The following OR5AP2 variants were observed in gnomAD, a reference collection of about 807,000 sequenced individuals.
The protein encoded by OR5AP2 is olfactory receptor 5AP2.
For missense variants in OR5AP2, 409 were observed against 378.9 expected (o/e 1.08, Z -0.66); for synonymous variants, 142 against 140.8 (o/e 1.01, Z -0.06).
Position 56,642,279 on chromosome 11 carries a change from A to G in OR5AP2, c.161T>C (p.Leu54Ser). 1 of 1,614,170 alleles carries G rather than the reference A, an allele frequency of 6.2e-7. No individual in the cohort carries two copies. Among genetic ancestry groups the G allele is most frequent in the Non-Finnish European group, 8.5e-7 (1 of 1,180,040 alleles). Residue 54 changes from leucine (L) to serine (S), a missense_variant, in exon 1 of 1, where the codon TTG becomes TCG. Leu to Ser is a moderately radical substitution (Grantham distance 145). Coordinates refer to ENST00000544374, the MANE Select transcript of OR5AP2 (RefSeq NM_001002925.1). Reference sequence around the variant, plus strand: ...GTGGAGACAGAGATCAATCTTAATCAATACAATCATCCCCAAATTGCCCAC... The same window carrying G: ...GTGGAGACAGAGATCAATCTTAATCGATACAATCATCCCCAAATTGCCCAC... Reference protein sequence around the residue: ...NMVGNLGMIVLIKIDLCLHTP... With the variant: ...NMVGNLGMIVSIKIDLCLHTP...
chr11:56,641,584 C>T lies in OR5AP2; in HGVS notation c.856G>A (p.Val286Ile). Reference protein sequence around the residue: ...QDKVVSVFYTVIIPVLNPLIY... With the variant: ...QDKVVSVFYTIIIPVLNPLIY... ...AGGGGATTTAGCACAGGGATTATTACTGTATAAAAGACAGAGACAACCTTG... is the reference window on the plus strand; with the variant it reads ...AGGGGATTTAGCACAGGGATTATTATTGTATAAAAGACAGAGACAACCTTG... Residue 286 changes from valine to isoleucine, a missense_variant, in exon 1 of 1, where the codon GTA becomes ATA. Coordinates refer to ENST00000544374, the MANE Select transcript of OR5AP2 (RefSeq NM_001002925.1). The T allele has an allele frequency of 6.2e-7, 1 of 1,613,296 alleles. No homozygotes were observed. The highest frequency in any genetic ancestry group is 8.5e-7 in the Non-Finnish European group (1 of 1,179,448).
Position 56,641,656 on chromosome 11 carries a change from G to C in OR5AP2, c.784C>G (p.Leu262Val). The C allele has an allele frequency of 6.2e-7, 1 of 1,614,126 alleles. No homozygotes were observed. The highest frequency in any genetic ancestry group is 8.5e-7 in the Non-Finnish European group (1 of 1,180,034). Reference protein sequence around the residue: ...MAVTIFFGTILFMYLRPTSSY... With the variant: ...MAVTIFFGTIVFMYLRPTSSY... ...GATGTAGGGCGCAAGTACATGAAGA[G>C]GATTGTTCCAAAGAATATGGTGACA... Residue 262 changes from leucine (L) to valine (V), a missense_variant, in exon 1 of 1, where the codon CTC becomes GTC. Leu to Val is a conservative substitution (Grantham distance 32, BLOSUM62 1). Transcript: ENST00000544374.
In OR5AP2 at chr11:56,642,012, G is replaced by T; in HGVS notation, c.428C>A (p.Ser143Tyr). 1 of 1,614,154 alleles carries T rather than the reference G, an allele frequency of 6.2e-7. No individual in the cohort carries two copies. Among genetic ancestry groups the T allele is most frequent in the South Asian group, 1.1e-5 (1 of 91,086 alleles). The change falls in exon 1 of 1, where the codon TCT becomes TAT. Residue 143 changes from serine to tyrosine, a missense_variant. Physicochemically the swap from Ser to Tyr is moderately radical, Grantham distance 144 (BLOSUM62 -2). Transcript: ENST00000544374. ...WNPLLYPVLV[S>Y]GRICFLLIAT... ...TATTAGCAAAAAGCAAATTCTCCCA[G>T]ACACGAGAACTGGGTAGAGCAGGGG...
At position 56,641,576 on chromosome 11, in the gene OR5AP2, G is replaced by T. The variant is rs573585444; in HGVS notation, c.864C>A (p.Ile288=). The change falls in exon 1 of 1, where the codon ATC becomes ATA. Residue 288 remains isoleucine (I), a synonymous_variant. Transcript: ENST00000544374. ...TATAGATGAGGGGATTTAGCACAGGGATTATTACTGTATAAAAGACAGAGA... is the reference window on the plus strand; with the variant it reads ...TATAGATGAGGGGATTTAGCACAGGTATTATTACTGTATAAAAGACAGAGA... The part of the protein sequence containing the change: ...KVVSVFYTVI[I]PVLNPLIYSL... 6 of 1,613,082 alleles carry T rather than the reference G, an allele frequency of 3.7e-6. No homozygotes were observed. The Admixed American group carries it at 8.3e-5, about 22-fold the overall frequency.
Position 56,642,416 on chromosome 11 carries a change from T to C in OR5AP2, c.24A>G (p.Arg8=). MRLMKEV[R]GRNQTEVTEF... Reference sequence around the variant, plus strand: ...CTGTTACTTCTGTTTGATTTCTGCCTCGAACCTCTTTCATAAGTCTCATCA... The same window carrying C: ...CTGTTACTTCTGTTTGATTTCTGCCCCGAACCTCTTTCATAAGTCTCATCA... Residue 8 remains arginine, a synonymous_variant, in exon 1 of 1, where the codon CGA becomes CGG. Coordinates refer to ENST00000544374, the MANE Select transcript of OR5AP2 (RefSeq NM_001002925.1). The C allele has an allele frequency of 1.3e-6, 2 of 1,599,824 alleles. No individual in the cohort carries two copies. The highest frequency in any genetic ancestry group is 1.7e-6 in the Non-Finnish European group (2 of 1,177,732).
At position 56,642,299 on chromosome 11, in the gene OR5AP2, G is replaced by T. The variant is rs145128374; in HGVS notation, c.141C>A (p.Gly47=). The T allele has an allele frequency of 3.8e-5, 61 of 1,613,962 alleles. No individual in the cohort carries two copies. The African/African-American group carries it at 5.9e-4, about 16-fold the overall frequency. ...FLLIYMANMV[G]NLGMIVLIKI... ...TAATCAATACAATCATCCCCAAATT[G>T]CCCACCATGTTTGCCATATAGATCA... Residue 47 remains glycine (G), a synonymous_variant, in exon 1 of 1, where the codon GGC becomes GGA. Coordinates refer to ENST00000544374, the MANE Select transcript of OR5AP2 (RefSeq NM_001002925.1).
rs61742762 is a variant in OR5AP2 at position 56,641,563 on chromosome 11, G to T, written c.877C>A (p.Pro293Thr). ...FYTVIIPVLN[P>T]LIYSLKNKDV... ...TTATTTTTTAAACTATAGATGAGGGGATTTAGCACAGGGATTATTACTGTA... is the reference window on the plus strand; with the variant it reads ...TTATTTTTTAAACTATAGATGAGGGTATTTAGCACAGGGATTATTACTGTA... The change falls in exon 1 of 1, where the codon CCC becomes ACC. Residue 293 changes from proline (P) to threonine (T), a missense_variant. Pro to Thr is a conservative substitution (Grantham distance 38, BLOSUM62 -1). Coordinates refer to ENST00000544374, the MANE Select transcript of OR5AP2 (RefSeq NM_001002925.1). 9 of 1,613,234 alleles carry T rather than the reference G, an allele frequency of 5.6e-6. No homozygotes were observed. The African/African-American group carries it at 1.1e-4, about 19-fold the overall frequency.
rs1269894450 is a variant in OR5AP2, at chr11:56,641,996, A to C, written c.444T>G (p.Phe148Leu). The change falls in exon 1 of 1, where the codon TTT (phenylalanine) becomes TTG (leucine). Residue 148 changes from phenylalanine to leucine, a missense_variant. Coordinates refer to ENST00000544374, the MANE Select transcript of OR5AP2 (RefSeq NM_001002925.1). ...CTAAGAAGGAGGTAGCTATTAGCAAAAAGCAAATTCTCCCAGACACGAGAA... is the reference window on the plus strand; with the variant it reads ...CTAAGAAGGAGGTAGCTATTAGCAACAAGCAAATTCTCCCAGACACGAGAA... ...YPVLVSGRIC[F>L]LLIATSFLAG... 5.0e-6 allele frequency: 8 copies of C among 1,614,042 alleles called. No individual in the cohort carries two copies. Among genetic ancestry groups the C allele is most frequent in the Non-Finnish European group, 6.8e-6 (8 of 1,180,040 alleles).
rs758071875 is a variant in OR5AP2 at position 56,641,639 on chromosome 11, G to A, written c.801C>T (p.Arg267=). 9.9e-6 allele frequency: 16 copies of A among 1,613,950 alleles called. No homozygotes were observed. The highest frequency in any genetic ancestry group is 1.3e-5 in the Non-Finnish European group (15 of 1,180,016). Residue 267 remains arginine, a synonymous_variant, in exon 1 of 1, where the codon CGC becomes CGT. Coordinates refer to ENST00000544374, the MANE Select transcript of OR5AP2 (RefSeq NM_001002925.1). The stretch of plus-strand genomic sequence containing the variant: ...GCTCCATTGAGTAGCTAGATGTAGG[G>A]CGCAAGTACATGAAGAGGATTGTTC... ...FFGTILFMYL[R]PTSSYSMEQD...
rs145666694 is a variant in OR5AP2 at position 56,641,989 on chromosome 11, T to C, written c.451A>G (p.Ile151Val). The change falls in exon 1 of 1, where the codon ATA (isoleucine) becomes GTA (valine). Residue 151 changes from isoleucine (I) to valine (V), a missense_variant. Transcript: ENST00000544374. ...LVSGRICFLLIATSFLAGCGN... is the reference protein window; with the variant it reads ...LVSGRICFLLVATSFLAGCGN... ...CAACCTGCTAAGAAGGAGGTAGCTA[T>C]TAGCAAAAAGCAAATTCTCCCAGAC... is the stretch of plus-strand genomic sequence containing the variant. 1.4e-5 allele frequency: 22 copies of C among 1,614,128 alleles called. No individual in the cohort carries two copies. Among genetic ancestry groups the C allele is most frequent in the Middle Eastern group, 1.6e-4 (1 of 6,062 alleles).
At position 56,642,206 on chromosome 11, in the gene OR5AP2, A is replaced by G. The variant is rs745594803; in HGVS notation, c.234T>C (p.Ser78=). ...TCTTGGGAGTGACGGAAGAAGAGTA[A>G]GAGGCATCTACAAAAGAGAGGCTAC... ...FLSSLSFVDA[S]YSSSVTPKML... is the part of the protein sequence containing the mutation. The change falls in exon 1 of 1, where the codon TCT becomes TCC. Residue 78 remains serine, a synonymous_variant. Coordinates refer to ENST00000544374, the MANE Select transcript of OR5AP2 (RefSeq NM_001002925.1). 6 of 1,614,092 alleles carry G rather than the reference A, an allele frequency of 3.7e-6. No homozygotes were observed. In the African/African-American group the frequency reaches 8.0e-5, roughly 22 times the overall value.
chr11:56,642,016 C>G lies in OR5AP2; in HGVS notation c.424G>C (p.Val142Leu), dbSNP rs756963104. 1.9e-6 allele frequency: 3 copies of G among 1,614,004 alleles called. No homozygotes were observed. The highest frequency in any genetic ancestry group is 1.1e-5 in the South Asian group (1 of 91,076). Residue 142 changes from valine to leucine, a missense_variant, in exon 1 of 1, where the codon GTG (valine) becomes CTG (leucine). Coordinates refer to ENST00000544374, the MANE Select transcript of OR5AP2 (RefSeq NM_001002925.1). ...AGCAAAAAGCAAATTCTCCCAGACACGAGAACTGGGTAGAGCAGGGGGTTC... is the reference window on the plus strand; with the variant it reads ...AGCAAAAAGCAAATTCTCCCAGACAGGAGAACTGGGTAGAGCAGGGGGTTC... ...IWNPLLYPVL[V>L]SGRICFLLIA... is the part of the protein sequence containing the mutation.
Position 56,641,511 on chromosome 11 carries a change from ATCT to A in OR5AP2, c.926_928del (p.Lys309del). 2 of 1,596,296 alleles carry A rather than the reference ATCT, an allele frequency of 1.3e-6. No individual in the cohort carries two copies. The highest frequency in any genetic ancestry group is 1.7e-6 in the Non-Finnish European group (2 of 1,165,980). The stretch of plus-strand genomic sequence containing the variant: ...GCTCTACAAGATGTGTTTCCATAAG[ATCT>A]TCTTTAGGGCCTTTTTTACATCCTT... On this transcript the variant is annotated inframe_deletion, in exon 1 of 1. Coordinates refer to ENST00000544374, the MANE Select transcript of OR5AP2 (RefSeq NM_001002925.1).
In OR5AP2 at chr11:56,642,259, G is replaced by A; in HGVS notation, c.181C>T (p.Leu61Phe). Residue 61 changes from leucine (L) to phenylalanine (F), a missense_variant, in exon 1 of 1, where the codon CTC becomes TTC. Physicochemically the swap from Leu to Phe is conservative, Grantham distance 22. Coordinates refer to ENST00000544374, the MANE Select transcript of OR5AP2 (RefSeq NM_001002925.1). The part of the protein sequence containing the change: ...MIVLIKIDLC[L>F]HTPMYFFLSS... The stretch of plus-strand genomic sequence containing the variant: ...AGAAAGAAATACATGGGGGTGTGGA[G>A]ACAGAGATCAATCTTAATCAATACA... The A allele has an allele frequency of 6.2e-7, 1 of 1,614,156 alleles. No individual in the cohort carries two copies. Among genetic ancestry groups the A allele is most frequent in the Non-Finnish European group, 8.5e-7 (1 of 1,180,036 alleles).
Position 56,642,203 on chromosome 11 carries a change from G to A in OR5AP2, c.237C>T (p.Tyr79=), listed in dbSNP as rs1220510865. The stretch of plus-strand genomic sequence containing the variant: ...GCATCTTGGGAGTGACGGAAGAAGA[G>A]TAAGAGGCATCTACAAAAGAGAGGC... The part of the protein sequence containing the change: ...LSSLSFVDAS[Y]SSSVTPKMLV... Residue 79 remains tyrosine (Y), a synonymous_variant, in exon 1 of 1, where the codon TAC becomes TAT. Coordinates refer to ENST00000544374, the MANE Select transcript of OR5AP2 (RefSeq NM_001002925.1). 3 of 1,614,036 alleles carry A rather than the reference G, an allele frequency of 1.9e-6. No homozygotes were observed. Among genetic ancestry groups the A allele is most frequent in the East Asian group, 2.2e-5 (1 of 44,892 alleles).
chr11:56,641,744 C>T lies in OR5AP2; in HGVS notation c.696G>A (p.Leu232=). The T allele has an allele frequency of 6.2e-7, 1 of 1,614,048 alleles. No individual in the cohort carries two copies. Among genetic ancestry groups the T allele is most frequent in the Non-Finnish European group, 8.5e-7 (1 of 1,179,994 alleles). ...GCCTGCCCTCTAACGAAGGCATCTT[C>T]AAGACGGCAATGAAGATACACAGGT... ...ISYLCIFIAV[L]KMPSLEGRHK... is the part of the protein sequence containing the mutation. Residue 232 remains leucine (L), a synonymous_variant, in exon 1 of 1, where the codon TTG becomes TTA. Coordinates refer to ENST00000544374, the MANE Select transcript of OR5AP2 (RefSeq NM_001002925.1).
rs1857010172 is a variant in OR5AP2, at chr11:56,642,025, G to C, written c.415C>G (p.Pro139Ala). 6.2e-7 allele frequency: 1 copy of C among 1,614,144 alleles called. No homozygotes were observed. The highest frequency in any genetic ancestry group is 1.3e-5 in the African/African-American group (1 of 75,040). ...CAAATTCTCCCAGACACGAGAACTG[G>C]GTAGAGCAGGGGGTTCCAAATGGCT... is the stretch of plus-strand genomic sequence containing the variant. ...YAAIWNPLLY[P>A]VLVSGRICFL... The change falls in exon 1 of 1, where the codon CCA becomes GCA. Residue 139 changes from proline (P) to alanine (A), a missense_variant. Physicochemically the swap from Pro to Ala is conservative, Grantham distance 27. Transcript: ENST00000544374.
chr11:56,641,763 C>T lies in OR5AP2; in HGVS notation c.677G>A (p.Cys226Tyr), dbSNP rs1857007208. 2 of 1,614,076 alleles carry T rather than the reference C, an allele frequency of 1.2e-6. No homozygotes were observed. The highest frequency in any genetic ancestry group is 1.7e-6 in the Non-Finnish European group (2 of 1,180,010). The change falls in exon 1 of 1, where the codon TGT becomes TAT. Residue 226 changes from cysteine (C) to tyrosine (Y), a missense_variant. Physicochemically the swap from Cys to Tyr is radical, Grantham distance 194. Transcript: ENST00000544374. ...CVMIVLISYLCIFIAVLKMPS... is the reference protein window; with the variant it reads ...CVMIVLISYLYIFIAVLKMPS... ...CATCTTCAAGACGGCAATGAAGATA[C>T]ACAGGTAGGAAATGAGGACAATCAT...
In OR5AP2 at chr11:56,641,749, C is replaced by A; in HGVS notation, c.691G>T (p.Val231Phe). Reference sequence around the variant, plus strand: ...CCCTCTAACGAAGGCATCTTCAAGACGGCAATGAAGATACACAGGTAGGAA... The same window carrying A: ...CCCTCTAACGAAGGCATCTTCAAGAAGGCAATGAAGATACACAGGTAGGAA... ...LISYLCIFIA[V>F]LKMPSLEGRH... is the part of the protein sequence containing the mutation. The change falls in exon 1 of 1, where the codon GTC becomes TTC. Residue 231 changes from valine (V) to phenylalanine (F), a missense_variant. Transcript: ENST00000544374. 6.2e-7 allele frequency: 1 copy of A among 1,613,976 alleles called. No homozygotes were observed. Among genetic ancestry groups the A allele is most frequent in the East Asian group, 2.2e-5 (1 of 44,864 alleles).
Sources: allele counts gnomAD v4.1 joint callset, GRCh38; gene constraint gnomAD v4.1.1; transcripts MANE v1.5; gene names NCBI Gene and HGNC (gene_info 2026-07-23, HGNC 2026-07-21).